ETV6: variants seen among roughly 807,000 people sequenced by gnomAD.
The protein encoded by ETV6 is ETS variant transcription factor 6, also known as transcription factor ETV6.
ETV6 carries 16 observed loss-of-function variants against 51.1 expected under a neutral mutation model. That is an observed-to-expected ratio of 0.31 (90% CI 0.21 to 0.48). The LOEUF (loss-of-function observed/expected upper bound fraction) is 0.48, where lower values mean the gene tolerates loss of function less well. Ranked by LOEUF, ETV6 falls within the 20% of genes least tolerant of loss-of-function variation. ETV6 has a pLI of 0.99. For missense variants in ETV6, 458 were observed against 594.8 expected (o/e 0.77, Z 2.39); for synonymous variants, 240 against 224.1 (o/e 1.07, Z -0.64).
At chr12:11,795,593 C>T (rs1328354601) in intron 2 of ETV6, among the ~76,000 whole-genome samples, 3 of 152,244 alleles carry the variant, frequency 2.0e-5, no homozygotes, top group Non-Finnish European at 4.4e-5. Context: ...CACTTACTGG[C>T]GTGCCCTCCA....
intron 1 of ETV6, among the ~76,000 whole-genome samples, chr12:11,669,965 C>G (rs1355440183): frequency 1.3e-5 from 2 of 150,948 alleles, no homozygotes; most frequent in Non-Finnish European, 2.9e-5. Flanking sequence ...ACACCATCTT[C>G]TTGCCCTTCT....
intron 5 of ETV6, among the ~76,000 whole-genome samples, chr12:11,883,070 A>G (rs1052103518): frequency 5.3e-5 from 8 of 152,158 alleles, no homozygotes; most frequent in Non-Finnish European, 1.2e-4. Flanking sequence ...GCCTATAAAA[A>G]GTGGGCATTT....
chr12:11,819,261 G>A (rs561796144), intron 2 of ETV6, among the ~76,000 whole-genome samples: 8 of 152,172 alleles, frequency 5.3e-5, no homozygotes, highest in East Asian at 3.9e-4. Context: ...CCCAGATGCC[G>A]AATCCATCTG....
At position 11,892,643 on chromosome 12, in the gene ETV6, TTCCTC is replaced by T. The variant is rs1399718225; in HGVS notation, c.*1599_*1603del. 1.7e-5 allele frequency: 4 copies of T among 232,998 alleles called. 1 individual carries two copies. The highest frequency in any genetic ancestry group is 3.4e-5 in the Non-Finnish European group (4 of 117,984). The allele number at this position is 232,998 out of a possible 1,614,324, so 14.4% of individuals were successfully genotyped here. ...GCACCCCCTCCTTGTTCCCCTCTGT[TTCCTC>T]TACTCAGTTGGGGGAGAAACTCACA... is the stretch of plus-strand genomic sequence containing the variant. On this transcript the variant is annotated 3_prime_UTR_variant, in exon 8 of 8. Transcript: ENST00000396373.
chr12:11,784,977 G>C (rs1172163457), intron 2 of ETV6, among the ~76,000 whole-genome samples: 1 of 150,314 alleles, frequency 6.7e-6, no homozygotes, highest in Non-Finnish European at 1.5e-5. Flanking sequence ...AAAATGCTAG[G>C]ATTACAGGCA....
At chr12:11,677,153 GCT>G (rs1244891847) in intron 1 of ETV6, among the ~76,000 whole-genome samples, 3 of 152,154 alleles carry the variant, frequency 2.0e-5, no homozygotes, top group African/African-American at 7.2e-5. Flanking sequence ...GGACACTGTG[GCT>G]CTCTGGATAT....
At chr12:11,764,314 AG>A (rs1177919966) in intron 2 of ETV6, among the ~76,000 whole-genome samples, 1 of 152,204 alleles carries the variant, frequency 6.6e-6, no homozygotes, top group Non-Finnish European at 1.5e-5. Context: ...TGGAAAATCC[AG>A]GCCTCCTGAT....
At chr12:11,663,207 G>A (rs1177146614) in intron 1 of ETV6, among the ~76,000 whole-genome samples, 1 of 152,210 alleles carries the variant, frequency 6.6e-6, no homozygotes, top group East Asian at 1.9e-4. Flanking sequence ...CACCTAGAAA[G>A]TAGCTTCCTG....
intron 6 of ETV6, 142 bp from the exon 7 acceptor site, chr12:11,885,784 T>C (rs1157523535): frequency 3.3e-6 from 2 of 611,098 alleles, no homozygotes; most frequent in Non-Finnish European, 5.8e-6. Flanking sequence ...GGCAGCCGAT[T>C]AGCAGGTAGC....
intron 2 of ETV6, among the ~76,000 whole-genome samples, chr12:11,778,652 G>A (rs7311993): frequency 0.24 from 36,356 of 151,926 alleles, 5,289 homozygotes; most frequent in South Asian, 0.47. Context: ...GAAGAGAAAG[G>A]TAACTCCCTT....
intron 3 of ETV6, among the ~76,000 whole-genome samples, chr12:11,842,047 A>G (rs1185935140): frequency 6.8e-6 from 1 of 146,566 alleles, no homozygotes; most frequent in Non-Finnish European, 1.5e-5. Flanking sequence ...CCGCCACTGC[A>G]CTCCAGCCTG....
chr12:11,664,146 T>A (rs1864152860), intron 1 of ETV6, among the ~76,000 whole-genome samples: 1 of 152,344 alleles, frequency 6.6e-6, no homozygotes, highest in East Asian at 1.9e-4. Context: ...GTGACATAGT[T>A]GAACATCAGT....
At chr12:11,706,097 G>A (rs2120859883) in intron 1 of ETV6, among the ~76,000 whole-genome samples, 1 of 152,350 alleles carries the variant, frequency 6.6e-6, no homozygotes, top group African/African-American at 2.4e-5. Context: ...GATAGGAAGC[G>A]AACGTTCCTT....
At chr12:11,769,617 G>A (rs944571325) in intron 2 of ETV6, among the ~76,000 whole-genome samples, 4 of 152,092 alleles carry the variant, frequency 2.6e-5, no homozygotes, top group Non-Finnish European at 5.9e-5. Flanking sequence ...TCTTTCATTG[G>A]CCTATAGCAG....
At chr12:11,839,018 A>T in intron 2 of ETV6, 122 bp from the exon 3 acceptor site, 1 of 1,055,832 alleles carries the variant, frequency 9.5e-7, no homozygotes, top group Non-Finnish European at 1.3e-6. Context: ...AGTTGAACAT[A>T]AGGGCTCTTG....
intron 4 of ETV6, among the ~76,000 whole-genome samples, chr12:11,868,197 T>A (rs913357646): frequency 2.0e-5 from 3 of 152,212 alleles, no homozygotes; most frequent in African/African-American, 7.2e-5. Flanking sequence ...GAGCAGGTTT[T>A]GGTGTGACTT....
intron 2 of ETV6, among the ~76,000 whole-genome samples, chr12:11,809,328 G>A (rs1449984944): frequency 1.3e-5 from 2 of 151,706 alleles, no homozygotes; most frequent in African/African-American, 2.4e-5. Context: ...GAAGACAAGA[G>A]GAAAAAAGGA....
At position 11,891,847 on chromosome 12, in the gene ETV6, C is replaced by T; in HGVS notation, c.*801C>T. ...AAACCCGCATCCCAGCATTGGGCCA[C>T]CCATCTGAGGGAGGCCAAAATCATC... On this transcript the variant is annotated 3_prime_UTR_variant, in exon 8 of 8. Transcript: ENST00000396373. 3.1e-6 allele frequency: 1 copy of T among 321,586 alleles called. No individual in the cohort carries two copies. The highest frequency in any genetic ancestry group is 2.1e-5 in the African/African-American group (1 of 48,266). The allele number at this position is 321,586 out of a possible 1,614,324, so 19.9% of individuals were successfully genotyped here.
intron 1 of ETV6, among the ~76,000 whole-genome samples, chr12:11,742,499 G>T (rs929028473): frequency 6.6e-6 from 1 of 152,174 alleles, no homozygotes; most frequent in Non-Finnish European, 1.5e-5. Flanking sequence ...ACACAGGTGT[G>T]TAACACTCCT....
Sources: gnomAD v4.1 joint callset for allele counts (sites outside exome capture counted in the v4.1 genomes callset) on GRCh38, gnomAD v4.1.1 for gene constraint, MANE v1.5 for transcripts, NCBI Gene and HGNC (gene_info 2026-07-23, HGNC 2026-07-21) for gene names.